The following RCHY1 variants were observed in gnomAD, a reference collection of about 807,000 sequenced individuals.
RCHY1 encodes RING finger and CHY zinc finger domain-containing protein 1.
In RCHY1, 21 loss-of-function variants were observed where a neutral mutation model predicts 41.6. The observed-to-expected ratio is 0.51, with a 90% CI of 0.36 to 0.73. The LOEUF is 0.73. RCHY1 is among the 30% of genes least tolerant of loss of function. The pLI is 0.00. For synonymous variants in RCHY1, 79 were observed against 102.9 expected, an observed-to-expected ratio of 0.77 and a Z score of 1.41; for missense variants, 265 against 325.3, an observed-to-expected ratio of 0.81 and a Z score of 1.43.
chr4:75,487,627 CATAAT>C (rs1298692883), intron 8 of RCHY1, among the ~76,000 whole-genome samples: 1,113 of 15,688 alleles, frequency 0.071, 54 homozygotes, highest in East Asian at 0.094. Context: ...TATATATATT[CATAAT>C]ATATATATTC....
rs748586221 is a variant in RCHY1 at position 75,514,325 on chromosome 4, C to T, written c.-39G>A. 6.3e-7 allele frequency: 1 copy of T among 1,592,566 alleles called. No homozygotes were observed. Among genetic ancestry groups the T allele is most frequent in the South Asian group, 1.1e-5 (1 of 90,124 alleles). Reference sequence around the variant, plus strand: ...CCTCACATTCCACCGATCCTTCCCCCAGGATAAAAACCACGCCCAGAGAAG... The same window carrying T: ...CCTCACATTCCACCGATCCTTCCCCTAGGATAAAAACCACGCCCAGAGAAG... On this transcript the variant is annotated 5_prime_UTR_variant, in exon 1 of 9. Coordinates refer to ENST00000324439, the MANE Select transcript of RCHY1 (RefSeq NM_015436.4).
intron 3 of RCHY1, among the ~76,000 whole-genome samples, chr4:75,496,262 G>T (rs1723194413): frequency 6.6e-6 from 1 of 152,080 alleles, no homozygotes; most frequent in African/African-American, 2.4e-5. Context: ...AAGAAACAAA[G>T]TAAGTGAGCC....
At chr4:75,505,813 A>G (rs998305518) in intron 3 of RCHY1, among the ~76,000 whole-genome samples, 2 of 152,214 alleles carry the variant, frequency 1.3e-5, no homozygotes, top group African/African-American at 4.8e-5. Context: ...AAGGGCAAAG[A>G]TCTCAGAGAG....
chr4:75,487,495 CATAAT>C (rs1722141744), intron 8 of RCHY1, among the ~76,000 whole-genome samples: 1 of 124,320 alleles, frequency 8.0e-6, no homozygotes, highest in Non-Finnish European at 1.7e-5. Flanking sequence ...CATATATATT[CATAAT>C]ATATATATTC....
intron 3 of RCHY1, among the ~76,000 whole-genome samples, chr4:75,503,808 T>C (rs1724033712): frequency 6.6e-6 from 1 of 152,218 alleles, no homozygotes; most frequent in African/African-American, 2.4e-5. Context: ...TTAAAGAATG[T>C]GTGATAATAT....
At chr4:75,495,354 C>CGA (rs1553918778) in intron 3 of RCHY1, among the ~76,000 whole-genome samples, 1 of 151,918 alleles carries the variant, frequency 6.6e-6, no homozygotes, top group Non-Finnish European at 1.5e-5. Flanking sequence ...TTGAAATTTG[C>CGA]TATATATGGC....
rs772147664 is a variant in RCHY1 at position 75,509,311 on chromosome 4, G to GA, written c.91-16dup. The GA allele has an allele frequency of 2.5e-6, 4 of 1,600,738 alleles. No individual in the cohort carries two copies. Among genetic ancestry groups the GA allele is most frequent in the Non-Finnish European group, 3.4e-6 (4 of 1,175,558 alleles). On this transcript the variant is annotated splice_polypyrimidine_tract_variant and intron_variant, in intron 1 of 8. Transcript: ENST00000324439. ...CAGCAAGGTGCCTAACACCCACGGA[G>GA]AAAAAAGAGATATAGTAAGAAGCAA...
rs1251635227 is a variant in RCHY1 at position 75,514,215 on chromosome 4, G to C, written c.72C>G (p.Asp24Glu). Residue 24 changes from aspartate to glutamate, a missense_variant, in exon 1 of 9, where the codon GAC becomes GAG. By Grantham distance (45) the Asp-to-Glu change is conservative. Coordinates refer to ENST00000324439, the MANE Select transcript of RCHY1 (RefSeq NM_015436.4). ...ERGQRGCEHY[D>E]RGCLLKAPCC... ...GCGTCACCTTTAGGAGACATCCTCTGTCATAGTGCTCGCAGCCCCGCTGAC... is the reference window on the plus strand; with the variant it reads ...GCGTCACCTTTAGGAGACATCCTCTCTCATAGTGCTCGCAGCCCCGCTGAC... The C allele has an allele frequency of 6.2e-7, 1 of 1,612,922 alleles. No homozygotes were observed. The highest frequency in any genetic ancestry group is 8.5e-7 in the Non-Finnish European group (1 of 1,178,958).
intron 1 of RCHY1, among the ~76,000 whole-genome samples, chr4:75,510,586 G>A (rs1164659873): frequency 6.6e-6 from 1 of 151,916 alleles, no homozygotes; most frequent in Non-Finnish European, 1.5e-5. Context: ...CAATAACCTT[G>A]TCCTCCAACC....
At chr4:75,492,977 T>C (rs1253085755) in intron 4 of RCHY1, among the ~76,000 whole-genome samples, 1 of 151,998 alleles carries the variant, frequency 6.6e-6, no homozygotes, top group Non-Finnish European at 1.5e-5. Flanking sequence ...ACATATCTGA[T>C]CATCAGTGGC....
chr4:75,502,668 T>C (rs963121682), intron 3 of RCHY1, among the ~76,000 whole-genome samples: 19 of 152,238 alleles, frequency 1.2e-4, no homozygotes, highest in African/African-American at 4.1e-4. Context: ...TGATACATTA[T>C]GGAATCTTAA....
At chr4:75,487,642 C>CATATATATTCATA (rs1560512944) in intron 8 of RCHY1, among the ~76,000 whole-genome samples, 1 of 8,892 alleles carries the variant, frequency 1.1e-4, no homozygotes, top group Non-Finnish European at 2.3e-4. Flanking sequence ...TATATATATT[C>CATATATATTCATA]ATATATATTC....
intron 8 of RCHY1, among the ~76,000 whole-genome samples, chr4:75,488,046 C>T (rs754913934): frequency 2.0e-4 from 30 of 148,874 alleles, no homozygotes; most frequent in Non-Finnish European, 7.4e-5. Context: ...AGGGCCCCTG[C>T]GGTATTCAAA....
intron 3 of RCHY1, among the ~76,000 whole-genome samples, chr4:75,495,343 T>C (rs1286233501): frequency 1.3e-5 from 2 of 152,002 alleles, no homozygotes; most frequent in African/African-American, 2.4e-5. Context: ...CTTTAATCCA[T>C]TTGAAATTTG....
intron 3 of RCHY1, among the ~76,000 whole-genome samples, chr4:75,501,520 T>C (rs1369938159): frequency 6.6e-6 from 1 of 152,158 alleles, no homozygotes; most frequent in Non-Finnish European, 1.5e-5. Flanking sequence ...AATAAACATT[T>C]CAAATATTTT....
At chr4:75,503,220 C>T (rs1323817317) in intron 3 of RCHY1, among the ~76,000 whole-genome samples, 1 of 152,160 alleles carries the variant, frequency 6.6e-6, no homozygotes, top group East Asian at 1.9e-4. Context: ...TGTCTCCAGG[C>T]ATTGCCAGAT....
chr4:75,505,480 G>A (rs1724210265), intron 3 of RCHY1, among the ~76,000 whole-genome samples: 1 of 152,016 alleles, frequency 6.6e-6, no homozygotes, highest in Non-Finnish European at 1.5e-5. Context: ...AATAAAAGAG[G>A]GTATGATTTT....
chr4:75,501,597 A>G (rs1723765183), intron 3 of RCHY1, among the ~76,000 whole-genome samples: 1 of 152,248 alleles, frequency 6.6e-6, no homozygotes, highest in African/African-American at 2.4e-5. Flanking sequence ...TTATTTGTCT[A>G]TAACGTGAGT....
chr4:75,504,941 T>C (rs575801265), intron 3 of RCHY1, among the ~76,000 whole-genome samples: 1 of 152,322 alleles, frequency 6.6e-6, no homozygotes, highest in Non-Finnish European at 1.5e-5. Context: ...AGGGTTATCA[T>C]AATACTGAAA....
Sources: allele counts gnomAD v4.1 joint callset (sites outside exome capture counted in the v4.1 genomes callset), GRCh38; gene constraint gnomAD v4.1.1; transcripts MANE v1.5; gene names NCBI Gene and HGNC (gene_info 2026-07-23, HGNC 2026-07-21).